The following NFATC2 variants were observed in gnomAD, a reference collection of about 807,000 sequenced individuals.
NFATC2 encodes nuclear factor of activated T cells 2, also known as nuclear factor of activated T-cells, cytoplasmic 2.
A neutral mutation model predicts 87.3 loss-of-function variants in NFATC2; 22 were observed. The observed-to-expected ratio is 0.25, with a 90% confidence interval of 0.18 to 0.36. The LOEUF is 0.36. NFATC2 is among the 10% of genes least tolerant of loss of function. The pLI, the probability that NFATC2 is intolerant of heterozygous loss-of-function variation, is 1.00. For synonymous variants in NFATC2, 565 were observed against 542.2 expected, an observed-to-expected ratio of 1.04 and a Z score of -0.58; for missense variants, 1,149 against 1,259.1, an observed-to-expected ratio of 0.91 and a Z score of 1.32.
chr20:51,517,785 T>C (rs62229855), intron 2 of NFATC2, among the ~76,000 whole-genome samples: 11,437 of 151,488 alleles, frequency 0.075, 648 homozygotes, highest in African/African-American at 0.16. Context: ...GGCTTGGTGG[T>C]GCATGCCTGT....
chr20:51,476,564 A>G (rs962985127), intron 3 of NFATC2, among the ~76,000 whole-genome samples: 8 of 152,146 alleles, frequency 5.3e-5, no homozygotes, highest in African/African-American at 1.7e-4. Flanking sequence ...CCAACACACT[A>G]TACATTTTCT....
At chr20:51,535,953 C>T (rs1316380963) in intron 1 of NFATC2, among the ~76,000 whole-genome samples, 1 of 152,190 alleles carries the variant, frequency 6.6e-6, no homozygotes, top group South Asian at 2.1e-4. Context: ...CCCCACTCTG[C>T]ATGTGGCTTA....
At chr20:51,441,998 A>T (rs80310492) in intron 6 of NFATC2, among the ~76,000 whole-genome samples, 2,159 of 152,302 alleles carry the variant, frequency 0.014, 56 homozygotes, top group African/African-American at 0.049. Context: ...AAATGGTCAT[A>T]AAAAGTATTT....
At chr20:51,487,532 C>A (rs1247195595) in intron 3 of NFATC2, among the ~76,000 whole-genome samples, 2 of 152,194 alleles carry the variant, frequency 1.3e-5, no homozygotes, top group Non-Finnish European at 2.9e-5. Context: ...CAGGAAACTG[C>A]AGTTCAGCTT....
rs149166265 is a variant in NFATC2, at chr20:51,432,277, C to G, written c.2512G>C (p.Ala838Pro). 4.3e-5 allele frequency: 70 copies of G among 1,614,160 alleles called. No individual in the cohort carries two copies. The African/African-American group carries it at 8.5e-4, about 20-fold the overall frequency. ...GGGCCAGGTCTGGTGGTGCCTGGTGCGAAATTCTCGCAGTACATGATGTGC... is the reference window on the plus strand; with the variant it reads ...GGGCCAGGTCTGGTGGTGCCTGGTGGGAAATTCTCGCAGTACATGATGTGC... ...FQHIMYCENF[A>P]PGTTRPGPPP... The change falls in exon 9 of 11, where the codon GCA (alanine) becomes CCA (proline). Residue 838 changes from alanine to proline, a missense_variant. Ala to Pro is a conservative substitution (Grantham distance 27). This residue lies in a region of NFATC2 where 581 missense variants were observed against 649.7 expected (regional missense o/e 0.89). Coordinates refer to ENST00000371564, the MANE Select transcript of NFATC2 (RefSeq NM_012340.5). The surrounding 1 kb of genome is among the most constrained non-coding windows in gnomAD (Gnocchi z 4.6).
chr20:51,421,698 A>C (rs1308523522), intron 9 of NFATC2, among the ~76,000 whole-genome samples: 2 of 152,214 alleles, frequency 1.3e-5, no homozygotes, highest in African/African-American at 4.8e-5. Flanking sequence ...TTTTCTAAGC[A>C]AAGTCAGAAA....
intron 5 of NFATC2, among the ~76,000 whole-genome samples, chr20:51,467,456 C>G (rs944622337): frequency 6.6e-6 from 1 of 152,094 alleles, no homozygotes; most frequent in African/African-American, 2.4e-5. Context: ...ACTCCAGAGG[C>G]TGAGGCAGGA....
intron 9 of NFATC2, among the ~76,000 whole-genome samples, chr20:51,404,929 G>C (rs1421761171): frequency 6.6e-6 from 1 of 152,230 alleles, no homozygotes; most frequent in African/African-American, 2.4e-5. Flanking sequence ...TTATGAGCAA[G>C]ACCTTGGGGC....
intron 3 of NFATC2, among the ~76,000 whole-genome samples, chr20:51,494,311 T>G (rs2075951759): frequency 6.6e-6 from 1 of 152,152 alleles, no homozygotes; most frequent in Non-Finnish European, 1.5e-5. Context: ...CCACTGGAAA[T>G]CAAAAGCAAA....
chr20:51,406,489 C>G (rs1462960825), intron 9 of NFATC2, among the ~76,000 whole-genome samples: 4 of 152,170 alleles, frequency 2.6e-5, no homozygotes, highest in Non-Finnish European at 4.4e-5. Flanking sequence ...CTATGCCAAG[C>G]CCGGTACACA....
Position 51,398,656 on chromosome 20 carries a change from T to A in NFATC2, c.*31A>T, listed in dbSNP as rs748988191. ...GATATCGATTACCTTTAACTTTGAT[T>A]TCTCGGATCAAAGATCACAGTCATT... On this transcript the variant is annotated 3_prime_UTR_variant, in exon 10 of 11. Transcript: ENST00000371564. 10 of 1,607,980 alleles carry A rather than the reference T, an allele frequency of 6.2e-6. No individual in the cohort carries two copies. In the East Asian group the frequency reaches 2.0e-4, roughly 32 times the overall value.
intron 1 of NFATC2, among the ~76,000 whole-genome samples, chr20:51,541,570 C>T (rs2076817664): frequency 6.6e-6 from 1 of 152,148 alleles, no homozygotes; most frequent in Admixed American, 6.5e-5. Flanking sequence ...CACAGAGTGA[C>T]AAAGTTCAGG....
chr20:51,397,657 G>A (rs573343298), intron 10 of NFATC2, among the ~76,000 whole-genome samples: 2 of 152,272 alleles, frequency 1.3e-5, no homozygotes, highest in South Asian at 4.2e-4. Context: ...AAGTCCTGAG[G>A]AGGGACAGTG....
At chr20:51,405,805 C>T (rs969810147) in intron 9 of NFATC2, among the ~76,000 whole-genome samples, 1 of 152,108 alleles carries the variant, frequency 6.6e-6, no homozygotes, top group African/African-American at 2.4e-5. Context: ...TAGGACTTGC[C>T]CAGAATTTTT....
intron 9 of NFATC2, among the ~76,000 whole-genome samples, chr20:51,419,226 C>T (rs1362013873): frequency 1.3e-5 from 2 of 152,132 alleles, no homozygotes; most frequent in African/African-American, 2.4e-5. Context: ...GCACAAAGAC[C>T]CCAAATCCAT....
At chr20:51,472,047 G>A (rs941274491) in intron 5 of NFATC2, among the ~76,000 whole-genome samples, 1 of 152,202 alleles carries the variant, frequency 6.6e-6, no homozygotes, top group Non-Finnish European at 1.5e-5. Flanking sequence ...GAGGTCAGGA[G>A]TTCGAGACCA....
intron 3 of NFATC2, among the ~76,000 whole-genome samples, chr20:51,496,048 C>T (rs553378133): frequency 6.6e-5 from 10 of 152,306 alleles, no homozygotes; most frequent in African/African-American, 2.4e-4. Flanking sequence ...AGGTTCCAAA[C>T]CCCCACCCAG....
At chr20:51,530,575 T>C (rs1442361287) in intron 1 of NFATC2, among the ~76,000 whole-genome samples, 1 of 152,122 alleles carries the variant, frequency 6.6e-6, no homozygotes, top group Non-Finnish European at 1.5e-5. Flanking sequence ...CCATTTCACC[T>C]ACCATGGGAG....
At chr20:51,444,356 T>A (rs76108442) in intron 6 of NFATC2, among the ~76,000 whole-genome samples, 2 of 151,592 alleles carry the variant, frequency 1.3e-5, no homozygotes, top group Non-Finnish European at 2.9e-5. Context: ...GCAAGAAGAA[T>A]GGGCATCGCT....
Sources: allele counts gnomAD v4.1 joint callset (sites outside exome capture counted in the v4.1 genomes callset), GRCh38; gene constraint gnomAD v4.1.1; regional missense constraint gnomAD v4.1.1; non-coding constraint Gnocchi (gnomAD v3.1); transcripts MANE v1.5; gene names NCBI Gene and HGNC (gene_info 2026-07-23, HGNC 2026-07-21).